The following ELF5 variants were observed in gnomAD, a reference collection of about 807,000 sequenced individuals.
ELF5 encodes the protein ETS-related transcription factor Elf-5.
In ELF5, 31 loss-of-function variants were observed where a neutral mutation model predicts 38.2. The observed-to-expected ratio is 0.81, with a 90% CI of 0.61 to 1.10. The LOEUF is 1.10. Ranked by LOEUF, ELF5 falls within the 50% of genes least tolerant of loss-of-function variation. ELF5 has a pLI of 0.00. For missense variants in ELF5, 300 were observed against 306.6 expected (o/e 0.98, Z 0.16); for synonymous variants, 121 against 112.5 (o/e 1.08, Z -0.48).
chr11:34,508,352 C>T (rs925538836), intron 1 of ELF5, among the ~76,000 whole-genome samples: 1 of 151,890 alleles, frequency 6.6e-6, no homozygotes, highest in African/African-American at 2.4e-5. Flanking sequence ...AAAATACAAA[C>T]ATTAGCTGGG....
chr11:34,490,275 G>T (rs547952588), intron 3 of ELF5, among the ~76,000 whole-genome samples: 1 of 152,272 alleles, frequency 6.6e-6, no homozygotes, highest in East Asian at 1.9e-4. Flanking sequence ...GTCATTTGGA[G>T]GGAGCACCCA....
chr11:34,480,693 A>AAACAGGG, intron 6 of ELF5, 79 bp downstream of exon 6: 1 of 1,502,298 alleles, frequency 6.7e-7, no homozygotes, highest in Non-Finnish European at 9.1e-7. Context: ...AAACCTGCAA[A>AAACAGGG]AACAGTGTAA....
At chr11:34,508,353 AT>A (rs1850661832) in intron 1 of ELF5, among the ~76,000 whole-genome samples, 1 of 152,086 alleles carries the variant, frequency 6.6e-6, no homozygotes, top group Non-Finnish European at 1.5e-5. Context: ...AAATACAAAC[AT>A]TAGCTGGGTG....
At chr11:34,495,425 C>T (rs966651195) in intron 2 of ELF5, among the ~76,000 whole-genome samples, 5 of 152,154 alleles carry the variant, frequency 3.3e-5, no homozygotes, top group African/African-American at 4.8e-5. Context: ...ACTCACTCAG[C>T]ACCCTCAGCC....
intron 2 of ELF5, among the ~76,000 whole-genome samples, chr11:34,505,322 G>A (rs1160310171): frequency 1.3e-5 from 2 of 152,128 alleles, no homozygotes; most frequent in African/African-American, 4.8e-5. Flanking sequence ...CTACTACATT[G>A]TTTAAATATC....
At chr11:34,485,230 T>C (rs771086771) in intron 4 of ELF5, among the ~76,000 whole-genome samples, 6 of 152,228 alleles carry the variant, frequency 3.9e-5, no homozygotes, top group African/African-American at 1.2e-4. Context: ...AGAGTTCTCA[T>C]TGCAAAGCTA....
At chr11:34,508,980 G>A (rs1159413656) in intron 1 of ELF5, among the ~76,000 whole-genome samples, 1 of 152,150 alleles carries the variant, frequency 6.6e-6, no homozygotes, top group South Asian at 2.1e-4. Flanking sequence ...TGAAACCAAA[G>A]GTCAATTCTT....
intron 2 of ELF5, 129 bp from the exon 3 acceptor site, chr11:34,493,841 G>C (rs1254109762): frequency 5.3e-6 from 4 of 761,240 alleles, no homozygotes; most frequent in Non-Finnish European, 8.5e-6. Context: ...CTCCAGCCCT[G>C]GGTGTTCTGC....
At chr11:34,487,569 T>G (rs964533859) in intron 4 of ELF5, among the ~76,000 whole-genome samples, 7 of 152,198 alleles carry the variant, frequency 4.6e-5, no homozygotes, top group African/African-American at 1.7e-4. Context: ...TTATGACCTT[T>G]CAGTGGCTTC....
intron 3 of ELF5, chr11:34,491,960 G>C (rs751754771): frequency 6.6e-6 from 1 of 152,174 alleles, no homozygotes; most frequent in Non-Finnish European, 1.5e-5. Flanking sequence ...CCAGCACAGG[G>C]GCTGCACAAG....
Position 34,482,426 on chromosome 11 carries a change from C to T in ELF5, c.475+5G>A, listed in dbSNP as rs1856962390. The T allele has an allele frequency of 6.2e-7, 1 of 1,613,070 alleles. No individual in the cohort carries two copies. The highest frequency in any genetic ancestry group is 8.5e-7 in the Non-Finnish European group (1 of 1,179,478). ...TTAGAATGAAAACTGGCATCCTGCA[C>T]TTACTTGTTCTACTATGACTGTGAC... On this transcript the variant is annotated splice_donor_5th_base_variant and intron_variant, in intron 5 of 6. Coordinates refer to ENST00000257832, the MANE Select transcript of ELF5 (RefSeq NM_001422.4).
rs1201078409 is a variant in ELF5 at position 34,480,148 on chromosome 11, G to A, written c.*70C>T. The A allele has an allele frequency of 1.0e-5, 13 of 1,269,738 alleles. No individual in the cohort carries two copies. Among genetic ancestry groups the A allele is most frequent in the African/African-American group, 4.5e-5 (3 of 66,196 alleles). The allele number at this position is 1,269,738 out of a possible 1,614,324, so 78.7% of individuals were successfully genotyped here. On this transcript the variant is annotated 3_prime_UTR_variant, in exon 7 of 7. Transcript: ENST00000257832. Reference sequence around the variant, plus strand: ...AAAAGAGAAGAAAATGAAGCCTTTCGAATGTCTATTGCAATCTGATTGTTT... The same window carrying A: ...AAAAGAGAAGAAAATGAAGCCTTTCAAATGTCTATTGCAATCTGATTGTTT...
At position 34,495,662 on chromosome 11, in the gene ELF5, C is replaced by T. The variant is rs190112257; in HGVS notation, c.122-1950G>A. ...TTTATATGCATTAAGATCAAAGCGT[C>T]AATATTGTGCCAGGGTGCTTGAGGC... On this transcript the variant is annotated intron_variant, in intron 2 of 6. Transcript: ENST00000257832. Among the ~76,000 whole-genome samples, 165 of 152,314 alleles carry T rather than the reference C, an allele frequency of 1.1e-3. 1 individual carries two copies. The highest frequency in any genetic ancestry group is 3.9e-3 in the African/African-American group (162 of 41,576).
intron 5 of ELF5, among the ~76,000 whole-genome samples, chr11:34,481,355 A>G (rs1856940797): frequency 6.6e-6 from 1 of 151,924 alleles, no homozygotes; most frequent in East Asian, 1.9e-4. Flanking sequence ...AGAGATGTAC[A>G]ATTTCTCACT....
At chr11:34,502,699 C>T (rs1564983865) in intron 2 of ELF5, among the ~76,000 whole-genome samples, 1 of 152,228 alleles carries the variant, frequency 6.6e-6, no homozygotes, top group Non-Finnish European at 1.5e-5. Flanking sequence ...CTGGCTCCAT[C>T]CCTCAGGGAG....
chr11:34,490,729 G>T (rs147710134), intron 3 of ELF5, among the ~76,000 whole-genome samples: 4 of 152,302 alleles, frequency 2.6e-5, no homozygotes, highest in South Asian at 4.2e-4. Flanking sequence ...TAGGCTGAAG[G>T]ATACCTATGT....
intron 3 of ELF5, chr11:34,492,212 G>A (rs1478194754): frequency 6.6e-6 from 1 of 152,258 alleles, no homozygotes; most frequent in African/African-American, 2.4e-5. Context: ...CCCAGCTCTT[G>A]GCAGGTCATT....
At chr11:34,501,502 G>T (rs1850467164) in intron 2 of ELF5, among the ~76,000 whole-genome samples, 2 of 152,112 alleles carry the variant, frequency 1.3e-5, no homozygotes. Flanking sequence ...ACTACTGGAG[G>T]GTTGGCTACT....
chr11:34,486,042 CTT>C (rs1031320309), intron 4 of ELF5, among the ~76,000 whole-genome samples: 3 of 152,162 alleles, frequency 2.0e-5, no homozygotes, highest in African/African-American at 7.2e-5. Context: ...AGCCTGGACA[CTT>C]TTAAAATGTG....
Sources: gnomAD v4.1 joint callset for allele counts (sites outside exome capture counted in the v4.1 genomes callset) on GRCh38, gnomAD v4.1.1 for gene constraint, MANE v1.5 for transcripts, NCBI Gene and HGNC (gene_info 2026-07-23, HGNC 2026-07-21) for gene names.